The following ZNF148 variants were observed in gnomAD, a reference collection of about 807,000 sequenced individuals.
ZNF148 encodes the protein zinc finger protein 148, also known as Beta-Enolase Repressor Factor-1.
A neutral mutation model predicts 67.7 loss-of-function variants in ZNF148; 7 were observed. The ratio of observed to expected loss-of-function variants is 0.10; its 90% CI spans 0.06 to 0.19. The LOEUF is 0.19. Ranked by LOEUF, ZNF148 falls within the 10% of genes least tolerant of loss-of-function variation. The probability of loss-of-function intolerance (pLI) is 1.00; values close to 1 mark genes in which losing one functional copy is unlikely to be tolerated. For synonymous variants in ZNF148, 333 were observed against 330.7 expected (o/e 1.01, Z -0.08); for missense variants, 583 against 947.1 (o/e 0.62, Z 5.05).
At chr3:125,241,304 T>G (rs1393778316) in intron 7 of ZNF148, among the ~76,000 whole-genome samples, 1 of 151,100 alleles carries the variant, frequency 6.6e-6, no homozygotes. Flanking sequence ...GTTTCTTTCT[T>G]TTTTCTTTCT....
At chr3:125,287,867 C>T (rs536922231) in intron 5 of ZNF148, among the ~76,000 whole-genome samples, 1 of 152,158 alleles carries the variant, frequency 6.6e-6, no homozygotes, top group South Asian at 2.1e-4. Context: ...TGCATGCCAT[C>T]CGATAGAGAT....
At chr3:125,272,321 TCAAC>T (rs1291124351) in intron 7 of ZNF148, among the ~76,000 whole-genome samples, 6 of 152,368 alleles carry the variant, frequency 3.9e-5, no homozygotes, top group Non-Finnish European at 5.9e-5. Flanking sequence ...TGAGACCACT[TCAAC>T]CAAGTCTCAA....
chr3:125,345,841 C>CA (rs1249516902), intron 1 of ZNF148, among the ~76,000 whole-genome samples: 1 of 151,314 alleles, frequency 6.6e-6, no homozygotes, highest in Non-Finnish European at 1.5e-5. Context: ...CAACTGCTGC[C>CA]AAAAAACAAA....
intron 7 of ZNF148, among the ~76,000 whole-genome samples, chr3:125,245,763 A>G (rs1199674847): frequency 6.6e-6 from 1 of 152,210 alleles, no homozygotes; most frequent in Admixed American, 6.5e-5. Flanking sequence ...AGCCTATCAC[A>G]TAATATCCTC....
At chr3:125,343,652 T>C (rs969998225) in intron 1 of ZNF148, among the ~76,000 whole-genome samples, 3 of 151,942 alleles carry the variant, frequency 2.0e-5, no homozygotes, top group African/African-American at 7.3e-5. Flanking sequence ...AAACAGAACA[T>C]GGGCAGGGAC....
intron 1 of ZNF148, among the ~76,000 whole-genome samples, chr3:125,369,377 G>C: frequency 2.8e-5 from 2 of 71,738 alleles, no homozygotes; most frequent in Non-Finnish European, 5.0e-5. Context: ...AAAGAATACT[G>C]CAACCTCAAA....
intron 6 of ZNF148, 31 bp from the exon 7 acceptor site, chr3:125,277,840 TACTG>T: frequency 6.3e-7 from 1 of 1,579,052 alleles, no homozygotes; most frequent in Non-Finnish European, 8.6e-7. Context: ...ACAAATTAGT[TACTG>T]AATAAAACAA....
At chr3:125,294,084 T>C (rs921681887) in intron 4 of ZNF148, among the ~76,000 whole-genome samples, 9 of 152,130 alleles carry the variant, frequency 5.9e-5, no homozygotes, top group African/African-American at 1.7e-4. Flanking sequence ...ACAACATCAC[T>C]TCTGTGGGTA....
intron 1 of ZNF148, among the ~76,000 whole-genome samples, chr3:125,346,090 T>G (rs1172068857): frequency 6.6e-6 from 1 of 152,186 alleles, no homozygotes; most frequent in Admixed American, 6.5e-5. Context: ...AACAAAATAC[T>G]AACCAAATCT....
rs139296780 is a variant in ZNF148 at position 125,337,741 on chromosome 3, T to C, written c.-233-6503A>G. On this transcript the variant is annotated intron_variant, in intron 1 of 8. Coordinates refer to ENST00000360647, the MANE Select transcript of ZNF148 (RefSeq NM_021964.3). ...AGTATTATTGTTTGTCTCAGTTCTTTAGATGATGAAACAGGTTCAAGAGGT... is the reference window on the plus strand; with the variant it reads ...AGTATTATTGTTTGTCTCAGTTCTTCAGATGATGAAACAGGTTCAAGAGGT... Among the ~76,000 whole-genome samples, 178 of 152,258 alleles carry C rather than the reference T, an allele frequency of 1.2e-3. 1 individual carries two copies. The highest frequency in any genetic ancestry group is 4.0e-3 in the African/African-American group (168 of 41,550).
intron 1 of ZNF148, among the ~76,000 whole-genome samples, chr3:125,374,788 G>T (rs536061560): frequency 1.3e-5 from 2 of 151,750 alleles, no homozygotes; most frequent in African/African-American, 4.8e-5. Flanking sequence ...CGGCCTCCCC[G>T]TGCAAACATC....
intron 3 of ZNF148, among the ~76,000 whole-genome samples, chr3:125,317,555 A>G (rs1230495969): frequency 6.6e-6 from 1 of 151,372 alleles, no homozygotes; most frequent in Non-Finnish European, 1.5e-5. Context: ...CAGCCATTAA[A>G]AGGAATGACG....
At chr3:125,331,371 A>G (rs1559762105) in intron 1 of ZNF148, 133 bp from the exon 2 acceptor site, 1 of 394,892 alleles carries the variant, frequency 2.5e-6, no homozygotes. Context: ...AGATACTGTT[A>G]GAGTAAATAA....
chr3:125,271,888 G>T (rs1355061264), intron 7 of ZNF148, among the ~76,000 whole-genome samples: 1 of 152,154 alleles, frequency 6.6e-6, no homozygotes, highest in Non-Finnish European at 1.5e-5. Flanking sequence ...ATCTGCAACT[G>T]TCTGGGTGTT....
rs192085093 is a variant in ZNF148 at position 125,262,864 on chromosome 3, T to C, written c.667+14862A>G. Among the ~76,000 whole-genome samples the C allele has an allele frequency of 4.9e-4, 75 of 152,322 alleles. No individual in the cohort carries two copies. The East Asian group carries it at 0.01, about 21-fold the overall frequency. On this transcript the variant is annotated intron_variant, in intron 7 of 8. Coordinates refer to ENST00000360647, the MANE Select transcript of ZNF148 (RefSeq NM_021964.3). ...TTGACACTATTGGTTCAATGACACA[T>C]AATGTATTCAAATGTTTCTCACAAA...
chr3:125,374,032 GGTAA>G (rs1384919277), intron 1 of ZNF148, among the ~76,000 whole-genome samples: 1 of 152,034 alleles, frequency 6.6e-6, no homozygotes, highest in Non-Finnish European at 1.5e-5. Context: ...CCCAACCTCG[GGTAA>G]GTGTTAATAC....
intron 1 of ZNF148, among the ~76,000 whole-genome samples, chr3:125,352,621 G>A (rs1370438807): frequency 1.3e-5 from 2 of 148,908 alleles, no homozygotes; most frequent in Admixed American, 6.7e-5. Flanking sequence ...CTAAGTAAAC[G>A]GAGAAATATC....
In ZNF148 at chr3:125,255,955, G is replaced by A. The variant is rs1405439306; in HGVS notation, c.668-21626C>T. ...TTTTTAAAAAAAATTTAACCTGCTT[G>A]GGATTAATAGACATGGCTTGATATT... is the stretch of plus-strand genomic sequence containing the variant. On this transcript the variant is annotated intron_variant, in intron 7 of 8. Transcript: ENST00000360647. 2.0e-5 allele frequency among the ~76,000 whole-genome samples: 3 copies of A among 151,910 alleles called. No homozygotes were observed. In the East Asian group the frequency reaches 5.8e-4, roughly 29 times the overall value.
At chr3:125,236,556 T>C (rs1379782156) in intron 7 of ZNF148, among the ~76,000 whole-genome samples, 1 of 152,166 alleles carries the variant, frequency 6.6e-6, no homozygotes, top group Non-Finnish European at 1.5e-5. Context: ...GAAATAACAG[T>C]ACTCTAAGTG....
Sources: gnomAD v4.1 joint callset for allele counts (sites outside exome capture counted in the v4.1 genomes callset) on GRCh38, gnomAD v4.1.1 for gene constraint, MANE v1.5 for transcripts, NCBI Gene and HGNC (gene_info 2026-07-23, HGNC 2026-07-21) for gene names.